ROCK2: variants seen among roughly 807,000 people sequenced by gnomAD.
The protein encoded by ROCK2 is Rho associated coiled-coil containing protein kinase 2.
In ROCK2, 61 loss-of-function variants were observed where a neutral mutation model predicts 195.1. The ratio of observed to expected loss-of-function variants is 0.31; its 90% CI spans 0.25 to 0.39. The LOEUF (loss-of-function observed/expected upper bound fraction) is 0.39. Ranked by LOEUF, ROCK2 falls within the 10% of genes least tolerant of loss-of-function variation. The pLI, the probability that ROCK2 is intolerant of heterozygous loss-of-function variation, is 1.00. For synonymous variants in ROCK2, 504 were observed against 545.5 expected, an observed-to-expected ratio of 0.92 and a Z score of 1.06; for missense variants, 1,109 against 1,637.4, an observed-to-expected ratio of 0.68 and a Z score of 5.57.
intron 1 of ROCK2, among the ~76,000 whole-genome samples, chr2:11,335,928 G>A (rs1429916835): frequency 2.0e-5 from 3 of 152,162 alleles, no homozygotes; most frequent in Non-Finnish European, 4.4e-5. Flanking sequence ...ATTGATAATT[G>A]TGACTATATA....
chr2:11,222,108 C>T lies in ROCK2; in HGVS notation c.1074G>A (p.Gln358=). ...IRQHPFFKND[Q]WHWDNIRETA... is the part of the protein sequence containing the mutation. ...TTTCTCTTATGTTATCCCAATGCCACTGATCATTCTTAAAGAAAGGATGCT... is the reference window on the plus strand; with the variant it reads ...TTTCTCTTATGTTATCCCAATGCCATTGATCATTCTTAAAGAAAGGATGCT... Residue 358 remains glutamine (Q), a synonymous_variant, in exon 8 of 33, where the codon CAG becomes CAA. Coordinates refer to ENST00000315872, the MANE Select transcript of ROCK2 (RefSeq NM_004850.5). The T allele has an allele frequency of 2.5e-6, 4 of 1,609,474 alleles. No individual in the cohort carries two copies. Among genetic ancestry groups the T allele is most frequent in the South Asian group, 1.1e-5 (1 of 90,844 alleles).
chr2:11,278,943 T>C (rs1453279549), intron 3 of ROCK2, among the ~76,000 whole-genome samples: 1 of 150,884 alleles, frequency 6.6e-6, no homozygotes, highest in Non-Finnish European at 1.5e-5. Flanking sequence ...TTCTCAGAAA[T>C]GTAAATAAAT....
intron 1 of ROCK2, among the ~76,000 whole-genome samples, chr2:11,296,975 TTTTA>T (rs1667555270): frequency 6.6e-6 from 1 of 152,146 alleles, no homozygotes; most frequent in Admixed American, 6.5e-5. Context: ...CAGCTTAACA[TTTTA>T]TTTAAGACAG....
intron 1 of ROCK2, among the ~76,000 whole-genome samples, chr2:11,326,203 T>A (rs542523525): frequency 1.3e-5 from 2 of 149,564 alleles, no homozygotes; most frequent in Non-Finnish European, 3.0e-5. Flanking sequence ...CTGGAAAAGA[T>A]ACAAAACCAA....
At chr2:11,283,822 G>A (rs1667099632) in intron 3 of ROCK2, among the ~76,000 whole-genome samples, 2 of 152,090 alleles carry the variant, frequency 1.3e-5, no homozygotes, top group South Asian at 4.1e-4. Flanking sequence ...AATGCAAAGT[G>A]GTACAACCAC....
intron 6 of ROCK2, among the ~76,000 whole-genome samples, chr2:11,226,868 G>T (rs942405401): frequency 1.4e-4 from 20 of 137,976 alleles, no homozygotes; most frequent in Non-Finnish European, 3.0e-5. Context: ...CCACATTCAT[G>T]CCACTGCACT....
intron 32 of ROCK2, chr2:11,184,584 A>G (rs1663121720): frequency 1.0e-6 from 1 of 969,244 alleles, no homozygotes; most frequent in East Asian, 1.1e-4. Flanking sequence ...TTCAAAAATA[A>G]AAAATAATGA....
chr2:11,250,341 A>G (rs550821893), intron 3 of ROCK2, among the ~76,000 whole-genome samples: 1 of 152,200 alleles, frequency 6.6e-6, no homozygotes, highest in Non-Finnish European at 1.5e-5. Flanking sequence ...AAATACTACC[A>G]ATGATGAGGT....
chr2:11,307,402 C>T (rs1667890879), intron 1 of ROCK2, among the ~76,000 whole-genome samples: 1 of 152,208 alleles, frequency 6.6e-6, no homozygotes, highest in Non-Finnish European at 1.5e-5. Context: ...CAACCTCCGC[C>T]TCCCAGGTTC....
At chr2:11,343,483 G>C (rs1669173769) in intron 1 of ROCK2, among the ~76,000 whole-genome samples, 1 of 152,170 alleles carries the variant, frequency 6.6e-6, no homozygotes, top group Non-Finnish European at 1.5e-5. Context: ...ATGCTCAAAC[G>C]CAAGTGAAAA....
intron 1 of ROCK2, among the ~76,000 whole-genome samples, chr2:11,340,625 T>C (rs1669073821): frequency 6.6e-6 from 1 of 152,232 alleles, no homozygotes; most frequent in African/African-American, 2.4e-5. Flanking sequence ...CTTTATAATG[T>C]TCTTACTTAT....
intron 3 of ROCK2, among the ~76,000 whole-genome samples, chr2:11,269,092 T>A (rs1040865731): frequency 6.6e-6 from 1 of 152,222 alleles, no homozygotes; most frequent in African/African-American, 2.4e-5. Flanking sequence ...GCTCTAGAAA[T>A]TTTTTGGTTT....
At position 11,227,280 on chromosome 2, in the gene ROCK2, C is replaced by T; in HGVS notation, c.842G>A (p.Gly281Asp). 1.2e-6 allele frequency: 2 copies of T among 1,613,454 alleles called. No individual in the cohort carries two copies. Among genetic ancestry groups the T allele is most frequent in the Non-Finnish European group, 1.7e-6 (2 of 1,179,610 alleles). The change falls in exon 6 of 33, where the codon GGT (glycine) becomes GAT (aspartate). Residue 281 changes from glycine to aspartate, a missense_variant. This residue lies in a region of ROCK2 where 253 missense variants were observed against 455.5 expected (regional missense o/e 0.56). Transcript: ENST00000315872. Reference sequence around the variant, plus strand: ...CACTAGCATCTCATAAAGGAAAACACCTACAGACCACCAATCACATTCTCG... The same window carrying T: ...CACTAGCATCTCATAAAGGAAAACATCTACAGACCACCAATCACATTCTCG... ...YGRECDWWSV[G>D]VFLYEMLVGD...
chr2:11,217,543 G>A (rs374687085), intron 11 of ROCK2, among the ~76,000 whole-genome samples: 52 of 152,058 alleles, frequency 3.4e-4, no homozygotes, highest in African/African-American at 8.4e-4. Context: ...TGTGCTAGTC[G>A]GATAAAAATG....
intron 23 of ROCK2, among the ~76,000 whole-genome samples, chr2:11,199,273 T>C (rs571335098): frequency 5.3e-5 from 8 of 152,060 alleles, no homozygotes; most frequent in Admixed American, 2.0e-4. Context: ...TATATACACA[T>C]GAAACAATAC....
rs868140814 is a variant in ROCK2 at position 11,344,626 on chromosome 2, G to A, written c.-490C>T. The A allele has an allele frequency of 2.1e-5, 3 of 139,718 alleles. No homozygotes were observed. Among genetic ancestry groups the A allele is most frequent in the Non-Finnish European group, 4.5e-5 (3 of 66,098 alleles). 8.7% of individuals were successfully genotyped at this position (139,718 alleles called of 1,614,324 possible). Reference sequence around the variant, plus strand: ...CTCCCGGCGCACACACTCCCGCGCGGCCGCCCGTCTCCGGCCGCGCGCCGC... The same window carrying A: ...CTCCCGGCGCACACACTCCCGCGCGACCGCCCGTCTCCGGCCGCGCGCCGC... On this transcript the variant is annotated 5_prime_UTR_variant, in exon 1 of 33. Coordinates refer to ENST00000315872, the MANE Select transcript of ROCK2 (RefSeq NM_004850.5). The surrounding 1 kb of genome is among the most constrained non-coding windows in gnomAD (Gnocchi z 5.4).
intron 32 of ROCK2, among the ~76,000 whole-genome samples, chr2:11,191,366 T>A (rs988074194): frequency 6.6e-6 from 1 of 152,200 alleles, no homozygotes; most frequent in African/African-American, 2.4e-5. Flanking sequence ...TCCCTGACCT[T>A]ACTCCATTTT....
At position 11,182,964 on chromosome 2, in the gene ROCK2, A is replaced by G. The variant is rs1356544532; in HGVS notation, c.*473T>C. ...CAGTATTAGAGTACTATATATATAT[A>G]TATATATGTGTGTGTGTTTATATAT... On this transcript the variant is annotated 3_prime_UTR_variant, in exon 33 of 33. Coordinates refer to ENST00000315872, the MANE Select transcript of ROCK2 (RefSeq NM_004850.5). The G allele has an allele frequency of 1.3e-5, 2 of 152,616 alleles. No individual in the cohort carries two copies. Among genetic ancestry groups the G allele is most frequent in the Non-Finnish European group, 2.9e-5 (2 of 68,090 alleles). 9.5% of individuals were successfully genotyped at this position (152,616 alleles called of 1,614,324 possible).
At chr2:11,288,859 C>A (rs1173574627) in intron 1 of ROCK2, among the ~76,000 whole-genome samples, 1 of 152,010 alleles carries the variant, frequency 6.6e-6, no homozygotes, top group African/African-American at 2.4e-5. Flanking sequence ...ATCACTTGAG[C>A]CCAGGAGTTC....
Sources: allele counts gnomAD v4.1 joint callset (sites outside exome capture counted in the v4.1 genomes callset), GRCh38; gene constraint gnomAD v4.1.1; regional missense constraint gnomAD v4.1.1; non-coding constraint Gnocchi (gnomAD v3.1); transcripts MANE v1.5; gene names NCBI Gene and HGNC (gene_info 2026-07-23, HGNC 2026-07-21).